The following TIMD4 variants were observed in gnomAD, a reference collection of about 807,000 sequenced individuals.
The protein encoded by TIMD4 is T-cell immunoglobulin and mucin domain-containing protein 4.
A neutral mutation model predicts 41.2 loss-of-function variants in TIMD4; 31 were observed. The ratio of observed to expected loss-of-function variants is 0.75; its 90% CI spans 0.57 to 1.01. The LOEUF is 1.01. Ranked by LOEUF, TIMD4 falls within the 50% of genes least tolerant of loss-of-function variation. The pLI is 0.00. For synonymous variants in TIMD4, 204 were observed against 177.1 expected (o/e 1.15, Z -1.21); for missense variants, 479 against 472.5 (o/e 1.01, Z -0.13).
chr5:156,957,518 A>AAAAAAAAAG (rs1554084285), intron 1 of TIMD4, among the ~76,000 whole-genome samples: 56 of 151,346 alleles, frequency 3.7e-4, no homozygotes, highest in Middle Eastern at 3.4e-3. Flanking sequence ...ATCTCAAAAA[A>AAAAAAAAAG]AAAAAAGAAA....
chr5:156,924,192 C>CA, intron 6 of TIMD4: 2 of 448,028 alleles, frequency 4.5e-6, no homozygotes, highest in Non-Finnish European at 8.8e-6. Flanking sequence ...TATGCAGCAC[C>CA]AAAAAAGGAC....
chr5:156,953,674 A>AG (rs1455789736), intron 2 of TIMD4, among the ~76,000 whole-genome samples: 4 of 148,942 alleles, frequency 2.7e-5, no homozygotes, highest in South Asian at 2.1e-4. Flanking sequence ...AAAAAAAAAA[A>AG]AGAGAGAGAG....
At chr5:156,940,022 T>TA (rs1759611144) in intron 5 of TIMD4, among the ~76,000 whole-genome samples, 1 of 152,256 alleles carries the variant, frequency 6.6e-6, no homozygotes, top group South Asian at 2.1e-4. Context: ...GGCTGGACTG[T>TA]ACTGCCGCGA....
intron 1 of TIMD4, among the ~76,000 whole-genome samples, chr5:156,955,246 C>A (rs1316531281): frequency 6.6e-6 from 1 of 152,190 alleles, no homozygotes; most frequent in East Asian, 1.9e-4. Flanking sequence ...ATTTGAGTTC[C>A]ATTCGCTAAC....
intron 3 of TIMD4, 63 bp from the exon 4 acceptor site, chr5:156,949,794 G>T: frequency 1.0e-6 from 1 of 993,840 alleles, no homozygotes. Flanking sequence ...TGTGGTGGGT[G>T]GTGGGATTTG....
At chr5:156,951,391 G>C in intron 3 of TIMD4, 121 bp downstream of exon 3, 1 of 1,261,824 alleles carries the variant, frequency 7.9e-7, no homozygotes, top group Non-Finnish European at 1.1e-6. Context: ...AGGCCTAGCA[G>C]ACTAATATAC....
chr5:156,920,447 C>T lies in TIMD4; in HGVS notation c.1052+17G>A, dbSNP rs1759214649. The T allele has an allele frequency of 1.9e-6, 3 of 1,613,720 alleles. No homozygotes were observed. Among genetic ancestry groups the T allele is most frequent in the Non-Finnish European group, 2.5e-6 (3 of 1,179,648 alleles). On this transcript the variant is annotated intron_variant, in intron 8 of 8. Coordinates refer to ENST00000274532, the MANE Select transcript of TIMD4 (RefSeq NM_138379.3). ...TTGTACAATCATTACAACACCCATT[C>T]ATGCAAGATAGATTACCTTGTGTGT...
chr5:156,932,717 G>A (rs6895316), intron 5 of TIMD4, among the ~76,000 whole-genome samples: 5,502 of 152,180 alleles, frequency 0.036, 246 homozygotes, highest in African/African-American at 0.11. Context: ...TAAAGAAAAC[G>A]GTTTAAGGGC....
chr5:156,924,174 T>C, intron 6 of TIMD4: 1 of 442,814 alleles, frequency 2.3e-6, no homozygotes, highest in Non-Finnish European at 4.4e-6. Context: ...CTACTCACCT[T>C]CAAAGTCTAT....
intron 1 of TIMD4, among the ~76,000 whole-genome samples, chr5:156,961,272 G>A (rs556332663): frequency 2.6e-5 from 4 of 152,318 alleles, no homozygotes; most frequent in Middle Eastern, 3.4e-3. Flanking sequence ...ACTCTCGTAC[G>A]CTGTTGGTGG....
At chr5:156,955,399 G>A (rs1295144470) in intron 1 of TIMD4, among the ~76,000 whole-genome samples, 2 of 152,204 alleles carry the variant, frequency 1.3e-5, no homozygotes, top group African/African-American at 4.8e-5. Context: ...GCTCACGCCT[G>A]TAATCCCAGT....
chr5:156,928,896 C>G (rs761577849), intron 5 of TIMD4, among the ~76,000 whole-genome samples: 2 of 152,138 alleles, frequency 1.3e-5, no homozygotes, highest in South Asian at 2.1e-4. Context: ...GATGAATAAG[C>G]CTGAAATTGA....
intron 1 of TIMD4, among the ~76,000 whole-genome samples, chr5:156,956,807 T>C (rs971330357): frequency 1.3e-5 from 2 of 152,340 alleles, no homozygotes; most frequent in East Asian, 1.9e-4. Flanking sequence ...AGGTCCATGC[T>C]TGTTGTTTTC....
intron 5 of TIMD4, among the ~76,000 whole-genome samples, chr5:156,932,981 G>T (rs530342779): frequency 1.3e-5 from 2 of 149,812 alleles, no homozygotes; most frequent in African/African-American, 5.0e-5. Context: ...TCCAGCCTGG[G>T]CAACCGAGTA....
intron 5 of TIMD4, among the ~76,000 whole-genome samples, chr5:156,947,650 C>T (rs1447921444): frequency 1.3e-5 from 2 of 152,130 alleles, no homozygotes; most frequent in African/African-American, 4.8e-5. Flanking sequence ...CAATATATAA[C>T]AATAAGTGAA....
intron 5 of TIMD4, among the ~76,000 whole-genome samples, chr5:156,940,146 C>T (rs1342362821): frequency 4.6e-5 from 7 of 152,350 alleles, no homozygotes; most frequent in African/African-American, 9.6e-5. Flanking sequence ...TTGGTGGAGA[C>T]GGGGTTTCGC....
intron 3 of TIMD4, among the ~76,000 whole-genome samples, chr5:156,950,805 G>T (rs1421214427): frequency 6.6e-6 from 1 of 152,152 alleles, no homozygotes; most frequent in Non-Finnish European, 1.5e-5. Context: ...CTCAGGCAGC[G>T]ACTTAACCCC....
At chr5:156,947,269 A>C (rs1431747008) in intron 5 of TIMD4, among the ~76,000 whole-genome samples, 1 of 152,254 alleles carries the variant, frequency 6.6e-6, no homozygotes, top group Non-Finnish European at 1.5e-5. Context: ...TAAGATTGAA[A>C]AAGTTAAACA....
At position 156,932,264 on chromosome 5, in the gene TIMD4, T is replaced by C. The variant is rs571265939; in HGVS notation, c.845-5952A>G. Among the ~76,000 whole-genome samples, 43 of 152,350 alleles carry C rather than the reference T, an allele frequency of 2.8e-4. No individual in the cohort carries two copies. The South Asian group carries it at 8.3e-3, about 29-fold the overall frequency. On this transcript the variant is annotated intron_variant, in intron 5 of 8. Coordinates refer to ENST00000274532, the MANE Select transcript of TIMD4 (RefSeq NM_138379.3). ...CAATGGTAAAATATTATTTGTATCATGTGTTCATCACTGGAAACTCCACGA... is the reference window on the plus strand; with the variant it reads ...CAATGGTAAAATATTATTTGTATCACGTGTTCATCACTGGAAACTCCACGA...
Sources: allele counts gnomAD v4.1 joint callset (sites outside exome capture counted in the v4.1 genomes callset), GRCh38; gene constraint gnomAD v4.1.1; transcripts MANE v1.5; gene names NCBI Gene and HGNC (gene_info 2026-07-23, HGNC 2026-07-21).